IMMP2L: variants seen among roughly 807,000 people sequenced by gnomAD.
The protein encoded by IMMP2L is mitochondrial inner membrane protease subunit 2.
IMMP2L carries 18 observed loss-of-function variants against 19.3 expected under a neutral mutation model. The observed-to-expected ratio is 0.93, with a 90% CI of 0.64 to 1.38. The LOEUF (loss-of-function observed/expected upper bound fraction) is 1.38. Ranked by LOEUF, IMMP2L falls within the 40% of genes most tolerant of loss-of-function variation. The pLI is 0.00. For synonymous variants in IMMP2L, 76 were observed against 73.0 expected, an observed-to-expected ratio of 1.04 and a Z score of -0.21; for missense variants, 233 against 218.2, an observed-to-expected ratio of 1.07 and a Z score of -0.43.
At position 110,872,079 on chromosome 7, in the gene IMMP2L, AC is replaced by A. The variant is rs374757040; in HGVS notation, c.408+14513del. On this transcript the variant is annotated intron_variant, in intron 5 of 5. Transcript: ENST00000405709. Reference sequence around the variant, plus strand: ...TCCTGTTTGTTAAATAGTGCAAATCACCCTTTGTCATTTTAGTTGCACTGAA... The same window carrying A: ...TCCTGTTTGTTAAATAGTGCAAATCACCTTTGTCATTTTAGTTGCACTGAA... Among the ~76,000 whole-genome samples the A allele has an allele frequency of 3.6e-4, 55 of 152,224 alleles. 1 individual carries two copies. In the East Asian group the frequency reaches 0.01, roughly 28 times the overall value.
chr7:110,861,108 A>T lies in IMMP2L; in HGVS notation c.408+25485T>A, dbSNP rs1418632065. 4.1e-3 allele frequency among the ~76,000 whole-genome samples: 530 copies of T among 129,028 alleles called. 2 individuals are homozygous for T. Among genetic ancestry groups the T allele is most frequent in the Middle Eastern group, 0.019 (5 of 262 alleles). 84.6% of individuals were successfully genotyped at this position (129,028 alleles called of 152,430 possible). ...GTGTGTGTGTGTGTGTGAGAGAGAG[A>T]GAGAGAGAGAGAGAGAGAGAGACAG... is the stretch of plus-strand genomic sequence containing the variant. On this transcript the variant is annotated intron_variant, in intron 5 of 5. Coordinates refer to ENST00000405709, the MANE Select transcript of IMMP2L (RefSeq NM_032549.4).
intron 3 of IMMP2L, among the ~76,000 whole-genome samples, chr7:111,196,927 G>A (rs1057420813): frequency 2.0e-5 from 3 of 152,132 alleles, no homozygotes; most frequent in Non-Finnish European, 2.9e-5. Context: ...GCAGTATTTC[G>A]CTGAATAGGT....
intron 3 of IMMP2L, among the ~76,000 whole-genome samples, chr7:111,268,609 T>C (rs796450106): frequency 2.2e-3 from 219 of 101,664 alleles, no homozygotes; most frequent in African/African-American, 8.1e-3. Context: ...TTTTTTTTTT[T>C]TGAGACCAAG....
intron 3 of IMMP2L, among the ~76,000 whole-genome samples, chr7:111,279,537 C>A (rs1819469993): frequency 6.6e-6 from 1 of 152,048 alleles, no homozygotes; most frequent in Non-Finnish European, 1.5e-5. Context: ...TCTTGAGATC[C>A]TAAGTGAATT....
At chr7:110,829,732 T>C (rs1025871321) in intron 5 of IMMP2L, among the ~76,000 whole-genome samples, 26 of 152,310 alleles carry the variant, frequency 1.7e-4, no homozygotes, top group African/African-American at 5.8e-4. Flanking sequence ...AAATCTAGTT[T>C]TAGAACTTGA....
intron 5 of IMMP2L, among the ~76,000 whole-genome samples, chr7:110,770,251 C>T (rs573859655): frequency 4.6e-5 from 7 of 152,256 alleles, no homozygotes; most frequent in African/African-American, 9.6e-5. Context: ...AATTCCCTTA[C>T]GACGAATGTG....
chr7:111,012,934 T>C (rs956452858), intron 3 of IMMP2L, among the ~76,000 whole-genome samples: 10 of 152,148 alleles, frequency 6.6e-5, no homozygotes, highest in Non-Finnish European at 1.2e-4. Flanking sequence ...GGCTTCCATA[T>C]AGCTTATGTG....
chr7:110,948,259 T>C (rs1219083278), intron 4 of IMMP2L, among the ~76,000 whole-genome samples: 1 of 152,218 alleles, frequency 6.6e-6, no homozygotes, highest in African/African-American at 2.4e-5. Flanking sequence ...AAACAGATTT[T>C]AGTTTCATAT....
intron 3 of IMMP2L, among the ~76,000 whole-genome samples, chr7:111,115,348 C>A (rs1799752430): frequency 6.6e-6 from 1 of 152,122 alleles, no homozygotes; most frequent in Non-Finnish European, 1.5e-5. Flanking sequence ...GTCAACTTCA[C>A]AAATAATGCT....
rs1324415768 is a variant in IMMP2L at position 110,902,864 on chromosome 7, G to A, written c.306-16169C>T. 2.2e-4 allele frequency among the ~76,000 whole-genome samples: 9 copies of A among 40,014 alleles called. 1 individual carries two copies. Among genetic ancestry groups the A allele is most frequent in the Non-Finnish European group, 3.8e-4 (9 of 23,692 alleles). 26.3% of individuals were successfully genotyped at this position (40,014 alleles called of 152,430 possible). On this transcript the variant is annotated intron_variant, in intron 4 of 5. Transcript: ENST00000405709. The stretch of plus-strand genomic sequence containing the variant: ...GGAGAATGGCGTGAACCCGGGAGGC[G>A]GAGCATGCAGTGAGCCGAGATTGCG...
intron 3 of IMMP2L, among the ~76,000 whole-genome samples, chr7:111,485,741 A>G (rs1371864947): frequency 6.6e-6 from 1 of 151,892 alleles, no homozygotes; most frequent in East Asian, 1.9e-4. Context: ...ATAAAATAGT[A>G]GTGTGCTCTT....
intron 3 of IMMP2L, among the ~76,000 whole-genome samples, chr7:111,125,830 T>G (rs930843183): frequency 6.9e-6 from 1 of 144,882 alleles, no homozygotes; most frequent in South Asian, 2.3e-4. Context: ...TTTTTTTTTT[T>G]TTTTTTTTTT....
In IMMP2L at chr7:111,370,877, C is replaced by A. The variant is rs1830203560; in HGVS notation, c.239+116361G>T. ...TGGTGAGAAAATATTAACACAAAAACCTATTATCTCACTTCTTTTTCAGAC... is the reference window on the plus strand; with the variant it reads ...TGGTGAGAAAATATTAACACAAAAAACTATTATCTCACTTCTTTTTCAGAC... On this transcript the variant is annotated intron_variant, in intron 3 of 5. Transcript: ENST00000405709. 1.3e-5 allele frequency among the ~76,000 whole-genome samples: 2 copies of A among 151,676 alleles called. 1 individual carries two copies. The highest frequency in any genetic ancestry group is 4.2e-4 in the South Asian group (2 of 4,802).
At position 110,663,477 on chromosome 7, in the gene IMMP2L, G is replaced by T; in HGVS notation, c.*125C>A. ...ATTTAATAATACAGATCGTTTTAAT[G>T]TGCTGTAAATATTTCTCGCACAGCA... On this transcript the variant is annotated 3_prime_UTR_variant, in exon 6 of 6. Transcript: ENST00000405709. The T allele has an allele frequency of 1.3e-6, 1 of 756,742 alleles. No individual in the cohort carries two copies. The highest frequency in any genetic ancestry group is 2.2e-6 in the Non-Finnish European group (1 of 448,788). The allele number at this position is 756,742 out of a possible 1,614,324, so 46.9% of individuals were successfully genotyped here.
intron 2 of IMMP2L, among the ~76,000 whole-genome samples, chr7:111,512,000 G>C (rs1179322068): frequency 6.6e-6 from 1 of 152,060 alleles, no homozygotes; most frequent in African/African-American, 2.4e-5. Context: ...AAACATAAAT[G>C]TACCATGCCA....
At chr7:110,773,827 CTT>C (rs5886574) in intron 5 of IMMP2L, among the ~76,000 whole-genome samples, 8 of 135,764 alleles carry the variant, frequency 5.9e-5, no homozygotes, top group Non-Finnish European at 7.9e-5. Context: ...ATAGTCTATT[CTT>C]TTTTTTTTTT....
intron 3 of IMMP2L, among the ~76,000 whole-genome samples, chr7:111,168,497 C>G (rs1251063511): frequency 6.6e-6 from 1 of 151,858 alleles, no homozygotes; most frequent in Admixed American, 6.6e-5. Flanking sequence ...AGAAAGGTGT[C>G]TTGCTGCTAA....
intron 3 of IMMP2L, among the ~76,000 whole-genome samples, chr7:111,326,385 T>C (rs978521550): frequency 5.3e-5 from 8 of 151,846 alleles, no homozygotes; most frequent in Admixed American, 2.0e-4. Context: ...ATCTCAGATA[T>C]TAAAGTTACA....
At chr7:111,301,168 T>C (rs1218969721) in intron 3 of IMMP2L, among the ~76,000 whole-genome samples, 1 of 152,154 alleles carries the variant, frequency 6.6e-6, no homozygotes, top group Non-Finnish European at 1.5e-5. Context: ...CTTATTGTGA[T>C]TTTAATTTAC....
Sources: gnomAD v4.1 joint callset for allele counts (sites outside exome capture counted in the v4.1 genomes callset) on GRCh38, gnomAD v4.1.1 for gene constraint, MANE v1.5 for transcripts, NCBI Gene and HGNC (gene_info 2026-07-23, HGNC 2026-07-21) for gene names.